Variants in FARP1 observed in about 807,000 individuals in gnomAD.
FARP1 encodes the protein FERM, ARH/RhoGEF and pleckstrin domain protein 1, also known as FERM, ARHGEF and pleckstrin domain-containing protein 1.
FARP1 carries 52 observed loss-of-function variants against 128.8 expected under a neutral mutation model. The observed-to-expected ratio is 0.40, with a 90% CI of 0.32 to 0.51. The LOEUF is 0.51. Ranked by LOEUF, FARP1 falls within the 20% of genes least tolerant of loss-of-function variation. The pLI is 0.45. For synonymous variants in FARP1, 580 were observed against 551.8 expected (o/e 1.05, Z -0.72); for missense variants, 1,333 against 1,367.9 (o/e 0.97, Z 0.40).
chr13:98,331,028 G>A (rs1223747305), intron 2 of FARP1, among the ~76,000 whole-genome samples: 4 of 152,144 alleles, frequency 2.6e-5, no homozygotes, highest in Admixed American at 2.6e-4. Context: ...CCTGGCCATC[G>A]ATCAGCATCC....
At chr13:98,251,704 A>G (rs903818096) in intron 2 of FARP1, among the ~76,000 whole-genome samples, 18 of 152,024 alleles carry the variant, frequency 1.2e-4, no homozygotes, top group Non-Finnish European at 2.4e-4. Context: ...AAAGAAAAAA[A>G]AGTCCCCATT....
At chr13:98,226,476 CT>C (rs61064188) in intron 2 of FARP1, among the ~76,000 whole-genome samples, 2,057 of 145,966 alleles carry the variant, frequency 0.014, 36 homozygotes, top group African/African-American at 0.047. Flanking sequence ...AGGACTTCAT[CT>C]TTTTTTTTTT....
At chr13:98,153,829 C>G (rs1156352871) in intron 1 of FARP1, among the ~76,000 whole-genome samples, 2 of 151,948 alleles carry the variant, frequency 1.3e-5, no homozygotes, top group Non-Finnish European at 2.9e-5. Flanking sequence ...TCCCAAAGTG[C>G]TGGGATTACA....
intron 11 of FARP1, among the ~76,000 whole-genome samples, chr13:98,391,429 C>A (rs1238766003): frequency 6.6e-6 from 1 of 152,146 alleles, no homozygotes; most frequent in Non-Finnish European, 1.5e-5. Flanking sequence ...CAGGTGCCCA[C>A]CACCACTCCC....
chr13:98,371,914 C>A (rs867361997), intron 5 of FARP1, among the ~76,000 whole-genome samples: 9 of 152,106 alleles, frequency 5.9e-5, no homozygotes, highest in African/African-American at 2.2e-4. Context: ...AAATTGCACT[C>A]TTTTGTTAAA....
chr13:98,206,850 A>C (rs941118462), intron 1 of FARP1, among the ~76,000 whole-genome samples: 1 of 152,250 alleles, frequency 6.6e-6, no homozygotes, highest in Non-Finnish European at 1.5e-5. Flanking sequence ...TCACTTTAGT[A>C]ATAAGGTATC....
In FARP1 at chr13:98,371,970, C is replaced by T. The variant is rs893387536; in HGVS notation, c.398+3775C>T. Among the ~76,000 whole-genome samples the T allele has an allele frequency of 1.6e-4, 24 of 152,032 alleles. 1 individual carries two copies. Among genetic ancestry groups the T allele is most frequent in the African/African-American group, 5.8e-4 (24 of 41,368 alleles). Reference sequence around the variant, plus strand: ...TATTTATTGAACTGCAGGTGGAATGCCATCCTATTGACAGCAGCACCCAGA... The same window carrying T: ...TATTTATTGAACTGCAGGTGGAATGTCATCCTATTGACAGCAGCACCCAGA... On this transcript the variant is annotated intron_variant, in intron 5 of 26. Coordinates refer to ENST00000319562, the MANE Select transcript of FARP1 (RefSeq NM_005766.4).
At position 98,165,710 on chromosome 13, in the gene FARP1, G is replaced by GTTTTTT. The variant is rs71111927; in HGVS notation, c.-24+22246_-24+22251dup. ...AAAAAAAAAAACCCTTCCAGAAGGG[G>GTTTTTT]TTTTTTTTTTTTTTTTTTTTTTTTT... On this transcript the variant is annotated intron_variant, in intron 1 of 26. Coordinates refer to ENST00000319562, the MANE Select transcript of FARP1 (RefSeq NM_005766.4). Among the ~76,000 whole-genome samples the GTTTTTT allele has an allele frequency of 1.6e-3, 115 of 74,144 alleles. 3 individuals carry two copies. The highest frequency in any genetic ancestry group is 0.011 in the Middle Eastern group (1 of 92). The allele number at this position is 74,144 out of a possible 152,430, so 48.6% of individuals were successfully genotyped here. A position where few individuals can be genotyped will look rare whatever the true frequency, so the allele number is the denominator to read the frequency against.
At chr13:98,410,013 T>C (rs1046660241) in intron 14 of FARP1, among the ~76,000 whole-genome samples, 3 of 152,262 alleles carry the variant, frequency 2.0e-5, no homozygotes, top group Non-Finnish European at 4.4e-5. Context: ...TAATGGACAG[T>C]CATGTGGTTC....
intron 1 of FARP1, among the ~76,000 whole-genome samples, chr13:98,202,953 C>T (rs1448668639): frequency 6.6e-6 from 1 of 152,174 alleles, no homozygotes; most frequent in Non-Finnish European, 1.5e-5. Context: ...CTACTGGCCT[C>T]AAGTGATCCT....
chr13:98,411,860 T>A (rs1228395905), intron 15 of FARP1, 41 bp from the exon 16 acceptor site: 1 of 1,604,370 alleles, frequency 6.2e-7, no homozygotes, highest in South Asian at 1.1e-5. Flanking sequence ...CACTCGTCAT[T>A]GATCTTTCCA....
chr13:98,425,698 T>C (rs1891761146), intron 17 of FARP1, among the ~76,000 whole-genome samples: 2 of 152,176 alleles, frequency 1.3e-5, no homozygotes, highest in African/African-American at 2.4e-5. Context: ...GTCGCAAATA[T>C]GTTTTTAATC....
intron 1 of FARP1, among the ~76,000 whole-genome samples, chr13:98,155,055 A>T (rs1310212950): frequency 6.6e-6 from 1 of 152,160 alleles, no homozygotes; most frequent in Non-Finnish European, 1.5e-5. Flanking sequence ...TTTTTGAAAA[A>T]GTCAACTGGG....
intron 1 of FARP1, among the ~76,000 whole-genome samples, chr13:98,182,034 T>G (rs1235116539): frequency 1.3e-5 from 2 of 152,112 alleles, no homozygotes; most frequent in East Asian, 3.9e-4. Context: ...TTAGAATAAT[T>G]TCTTATAAAC....
Position 98,243,463 on chromosome 13 carries a change from A to AG in FARP1, c.171+30056dup, listed in dbSNP as rs535890125. ...GTAATCCCAGCACTTTGGAAGGCTG[A>AG]GGGGGGTGGATCACGAGGTCAGGAG... On this transcript the variant is annotated intron_variant, in intron 2 of 26. Coordinates refer to ENST00000319562, the MANE Select transcript of FARP1 (RefSeq NM_005766.4). Among the ~76,000 whole-genome samples, 47 of 152,010 alleles carry AG rather than the reference A, an allele frequency of 3.1e-4. 2 individuals are homozygous for AG. In the South Asian group the frequency reaches 9.4e-3, roughly 30 times the overall value.
At chr13:98,312,892 A>T (rs538207913) in intron 2 of FARP1, among the ~76,000 whole-genome samples, 1 of 152,218 alleles carries the variant, frequency 6.6e-6, no homozygotes, top group South Asian at 2.1e-4. Flanking sequence ...TATCACAGAC[A>T]TAATTTGGCT....
chr13:98,281,185 T>A lies in FARP1; in HGVS notation c.172-62577T>A, dbSNP rs577692694. Among the ~76,000 whole-genome samples, 102 of 152,240 alleles carry A rather than the reference T, an allele frequency of 6.7e-4. 1 individual carries two copies. In the South Asian group the frequency reaches 0.016, roughly 24 times the overall value. On this transcript the variant is annotated intron_variant, in intron 2 of 26. Coordinates refer to ENST00000319562, the MANE Select transcript of FARP1 (RefSeq NM_005766.4). ...CCTGGCCAACATGGTAAAGCCTGTC[T>A]CTACTAAAAATGCAAAAATTAGCTG... is the stretch of plus-strand genomic sequence containing the variant.
intron 13 of FARP1, chr13:98,401,035 G>A (rs1351394042): frequency 2.6e-5 from 4 of 152,080 alleles, no homozygotes; most frequent in African/African-American, 9.7e-5. Flanking sequence ...TTAAAGAGGT[G>A]GCCATTTAAA....
intron 13 of FARP1, chr13:98,402,107 C>A (rs1309425544): frequency 6.6e-6 from 1 of 152,218 alleles, no homozygotes; most frequent in Non-Finnish European, 1.5e-5. Context: ...GAAAGCCAGT[C>A]TAAAAGGTTA....
Sources: gnomAD v4.1 joint callset for allele counts (sites outside exome capture counted in the v4.1 genomes callset) on GRCh38, gnomAD v4.1.1 for gene constraint, MANE v1.5 for transcripts, NCBI Gene and HGNC (gene_info 2026-07-23, HGNC 2026-07-21) for gene names.